Variants in CDK19 observed in about 807,000 individuals in gnomAD.
CDK19 encodes the protein cyclin-dependent kinase 19.
A neutral mutation model predicts 68.3 loss-of-function variants in CDK19; 20 were observed. That is an observed-to-expected ratio of 0.29 (90% CI 0.21 to 0.43). CDK19 has a LOEUF of 0.43. Among genes scored for constraint, CDK19 ranks in the 20% least tolerant of loss-of-function variants. The pLI, the probability that CDK19 is intolerant of heterozygous loss-of-function variation, is 1.00. For synonymous variants in CDK19, 221 were observed against 222.8 expected (o/e 0.99, Z 0.07); for missense variants, 339 against 623.5 (o/e 0.54, Z 4.86).
chr6:110,749,274 T>G (rs933277039), intron 1 of CDK19, among the ~76,000 whole-genome samples: 2 of 152,196 alleles, frequency 1.3e-5, no homozygotes, highest in Non-Finnish European at 2.9e-5. Flanking sequence ...CTCTCAGCAG[T>G]CACAATGAAA....
chr6:110,778,936 C>A (rs999669126), intron 1 of CDK19, among the ~76,000 whole-genome samples: 3 of 152,108 alleles, frequency 2.0e-5, no homozygotes, highest in Non-Finnish European at 2.9e-5. Context: ...GACAGTCAAG[C>A]AGACAGAAGG....
chr6:110,701,042 T>TA (rs1357175304), intron 2 of CDK19: 6 of 151,882 alleles, frequency 4.0e-5, no homozygotes, highest in African/African-American at 1.5e-4. Context: ...CCGTCTCTAC[T>TA]AAAAATAAAA....
At chr6:110,670,590 G>A (rs1254228272) in intron 2 of CDK19, 49 bp from the exon 3 acceptor site, 15 of 1,078,466 alleles carry the variant, frequency 1.4e-5, no homozygotes, top group Non-Finnish European at 2.1e-5. Flanking sequence ...GCAAGGAGGG[G>A]GAAATGATGA....
chr6:110,662,907 T>C (rs1396799041), intron 4 of CDK19, among the ~76,000 whole-genome samples: 2 of 152,186 alleles, frequency 1.3e-5, no homozygotes, highest in African/African-American at 4.8e-5. Context: ...TTTTAAGTTA[T>C]TTTTGGTGAC....
At position 110,746,179 on chromosome 6, in the gene CDK19, A is replaced by G; in HGVS notation, c.151T>C (p.Leu51=). 1.2e-6 allele frequency: 2 copies of G among 1,602,954 alleles called. No homozygotes were observed. The highest frequency in any genetic ancestry group is 1.7e-6 in the Non-Finnish European group (2 of 1,174,916). The change falls in exon 2 of 13, where the codon TTG becomes CTG. Residue 51 remains leucine (L), a synonymous_variant. Transcript: ENST00000368911. Reference sequence around the variant, plus strand: ...ATTCCTGTGCCTTCAATTTGCTTCAATGCATATTCCTTTTCATCTTTTCTG... The same window carrying G: ...ATTCCTGTGCCTTCAATTTGCTTCAGTGCATATTCCTTTTCATCTTTTCTG... ...KDGKDEKEYA[L]KQIEGTGISM...
rs1167384607 is a variant in CDK19, at chr6:110,719,972, G to GCCCCCCCCCCCCCCCCCCCCCCCC, written c.204+26153_204+26154insGGGGGGGGGGGGGGGGGGGGGGGG. ...TCTTGAACTCCTGACCTTGTGATCC[G>GCCCCCCCCCCCCCCCCCCCCCCCC]CCCCCCCCCCCCCACCCCCCCCCTG... On this transcript the variant is annotated intron_variant, in intron 2 of 12. Transcript: ENST00000368911. Among the ~76,000 whole-genome samples, 52 of 45,548 alleles carry GCCCCCCCCCCCCCCCCCCCCCCCC rather than the reference G, an allele frequency of 1.1e-3. 2 individuals are homozygous for GCCCCCCCCCCCCCCCCCCCCCCCC. Among genetic ancestry groups the GCCCCCCCCCCCCCCCCCCCCCCCC allele is most frequent in the Admixed American group, 1.6e-3 (5 of 3,182 alleles). The allele number at this position is 45,548 out of a possible 152,430, so 29.9% of individuals were successfully genotyped here. A position where few individuals can be genotyped will look rare whatever the true frequency, so the allele number is the denominator to read the frequency against.
At chr6:110,751,240 G>C (rs1275681355) in intron 1 of CDK19, among the ~76,000 whole-genome samples, 4 of 152,260 alleles carry the variant, frequency 2.6e-5, no homozygotes, top group South Asian at 4.1e-4. Flanking sequence ...CTGGAGGTGA[G>C]TGGTGGGCGA....
intron 4 of CDK19, among the ~76,000 whole-genome samples, chr6:110,663,926 G>A (rs1291077010): frequency 1.3e-5 from 2 of 152,146 alleles, no homozygotes; most frequent in Admixed American, 6.5e-5. Context: ...GCTATACTAC[G>A]TAAGAACCAT....
intron 2 of CDK19, among the ~76,000 whole-genome samples, chr6:110,705,487 A>G (rs1454434655): frequency 6.6e-6 from 1 of 152,162 alleles, no homozygotes; most frequent in Non-Finnish European, 1.5e-5. Context: ...TAGAGAAGAG[A>G]TTGCCCAGAA....
At chr6:110,740,502 C>T (rs1197299754) in intron 2 of CDK19, among the ~76,000 whole-genome samples, 3 of 152,156 alleles carry the variant, frequency 2.0e-5, no homozygotes, top group Non-Finnish European at 4.4e-5. Flanking sequence ...CGTGACATGA[C>T]ATTCTTTTTT....
intron 4 of CDK19, among the ~76,000 whole-genome samples, chr6:110,641,326 T>C (rs893533922): frequency 2.0e-5 from 3 of 152,098 alleles, no homozygotes; most frequent in African/African-American, 7.2e-5. Flanking sequence ...CTGGGTGCAG[T>C]GGCTGACACC....
In CDK19 at chr6:110,678,672, A is replaced by G. The variant is rs1015033059; in HGVS notation, c.205-8131T>C. The stretch of plus-strand genomic sequence containing the variant: ...TTCTAAAGAAACTGTAGAAAATCAA[A>G]AGCTTTCTAGTAACTCAGGTAGAAA... On this transcript the variant is annotated intron_variant, in intron 2 of 12. Coordinates refer to ENST00000368911, the MANE Select transcript of CDK19 (RefSeq NM_015076.5). Among the ~76,000 whole-genome samples, 4 of 152,314 alleles carry G rather than the reference A, an allele frequency of 2.6e-5. No homozygotes were observed. The East Asian group carries it at 7.7e-4, about 29-fold the overall frequency.
intron 2 of CDK19, among the ~76,000 whole-genome samples, chr6:110,712,669 G>T (rs528561321): frequency 2.6e-5 from 4 of 152,292 alleles, no homozygotes; most frequent in African/African-American, 4.8e-5. Flanking sequence ...AACGTAAAAA[G>T]ATCTAGGGAA....
At chr6:110,781,392 G>A (rs1780805826) in intron 1 of CDK19, among the ~76,000 whole-genome samples, 1 of 152,164 alleles carries the variant, frequency 6.6e-6, no homozygotes, top group Admixed American at 6.5e-5. Context: ...AGTCATAAGG[G>A]ATCTGCCCCC....
intron 1 of CDK19, among the ~76,000 whole-genome samples, chr6:110,746,992 C>G (rs1025803688): frequency 3.3e-5 from 5 of 152,146 alleles, no homozygotes; most frequent in Admixed American, 2.6e-4. Flanking sequence ...ATACCAGAAC[C>G]AGCCACACAA....
intron 2 of CDK19, among the ~76,000 whole-genome samples, chr6:110,725,439 A>G (rs1166986090): frequency 6.6e-6 from 1 of 152,204 alleles, no homozygotes; most frequent in African/African-American, 2.4e-5. Flanking sequence ...ATTACTAAAC[A>G]CAGATAGTAA....
chr6:110,815,647 C>T (rs1450713031), upstream of CDK19: 1 of 152,988 alleles, frequency 6.5e-6, no homozygotes, highest in Non-Finnish European at 1.5e-5. Context: ...TCAGGTAGCG[C>T]ACGGCTCCCG....
chr6:110,645,667 ATAAGACAC>A (rs1780511471), intron 4 of CDK19: 1 of 348,720 alleles, frequency 2.9e-6, no homozygotes, highest in African/African-American at 2.1e-5. Context: ...CCAGGGGTGG[ATAAGACAC>A]TTTGTCCCCT....
intron 2 of CDK19, among the ~76,000 whole-genome samples, chr6:110,739,698 G>C (rs923671352): frequency 6.6e-6 from 1 of 151,118 alleles, no homozygotes; most frequent in Admixed American, 6.6e-5. Flanking sequence ...TGGTGCAATC[G>C]TAACTCACTG....
Sources: allele counts gnomAD v4.1 joint callset (sites outside exome capture counted in the v4.1 genomes callset), GRCh38; gene constraint gnomAD v4.1.1; transcripts MANE v1.5; gene names NCBI Gene and HGNC (gene_info 2026-07-23, HGNC 2026-07-21).